OTOA: variants seen among roughly 807,000 people sequenced by gnomAD.
The protein encoded by OTOA is otoancorin, also known as cancer/testis antigen 108.
Under a neutral mutation model 110.8 loss-of-function variants are expected in OTOA, and 70 were observed. The ratio of observed to expected loss-of-function variants is 0.63; its 90% CI spans 0.52 to 0.77. The LOEUF (loss-of-function observed/expected upper bound fraction) is 0.77, where lower values mean the gene tolerates loss of function less well. OTOA is among the 30% of genes least tolerant of loss of function. The pLI is 0.00. For missense variants in OTOA, 917 were observed against 1,075.8 expected (o/e 0.85, Z 2.06); for synonymous variants, 373 against 431.5 (o/e 0.86, Z 1.68).
chr16:21,703,994 G>A (rs1327166660), intron 11 of OTOA, among the ~76,000 whole-genome samples: 2 of 152,172 alleles, frequency 1.3e-5, no homozygotes, highest in Non-Finnish European at 2.9e-5. Context: ...CAGTATGGGA[G>A]TACAGAGTGT....
intron 1 of OTOA, 57 bp from the exon 2 acceptor site, chr16:21,678,454 G>GTATATA: frequency 3.5e-6 from 3 of 869,140 alleles, no homozygotes; most frequent in Admixed American, 2.2e-5. Context: ...GTGTGTGTGT[G>GTATATA]TATATATATA....
Position 21,735,998 on chromosome 16 carries a change from C to T in OTOA, c.2302-263C>T, listed in dbSNP as rs462821. Among the ~76,000 whole-genome samples, 65 of 150,756 alleles carry T rather than the reference C, an allele frequency of 4.3e-4. No individual in the cohort carries two copies. In the East Asian group the frequency reaches 0.01, roughly 24 times the overall value. Reference sequence around the variant, plus strand: ...TGCCCAGCATTAAGTATTAGCACTTCATTTTATTTTTGACAATCTGATGGG... The same window carrying T: ...TGCCCAGCATTAAGTATTAGCACTTTATTTTATTTTTGACAATCTGATGGG... On this transcript the variant is annotated intron_variant, in intron 21 of 28. Coordinates refer to ENST00000646100, the MANE Select transcript of OTOA (RefSeq NM_144672.4).
chr16:21,727,470 A>G (rs1401070228), intron 19 of OTOA, among the ~76,000 whole-genome samples: 10 of 152,156 alleles, frequency 6.6e-5, no homozygotes. Flanking sequence ...TACTTCTTAC[A>G]GTTACTTTGA....
chr16:21,760,188 G>A (rs1246625420), intron 28 of OTOA, among the ~76,000 whole-genome samples: 2 of 151,822 alleles, frequency 1.3e-5, no homozygotes, highest in East Asian at 1.9e-4. Context: ...ACAAATTCCT[G>A]GGTCTCCTGG....
chr16:21,677,027 AT>A (rs1387793562), intron 1 of OTOA, among the ~76,000 whole-genome samples: 4 of 152,242 alleles, frequency 2.6e-5, no homozygotes, highest in African/African-American at 9.6e-5. Context: ...CATAGCTAGA[AT>A]AAAATTATGA....
chr16:21,718,001 G>A (rs1217403808), intron 15 of OTOA, among the ~76,000 whole-genome samples: 1 of 152,148 alleles, frequency 6.6e-6, no homozygotes, highest in Non-Finnish European at 1.5e-5. Context: ...CGGTCACCCA[G>A]GCTGGGGTGC....
intron 28 of OTOA, among the ~76,000 whole-genome samples, chr16:21,757,926 A>G (rs1900048178): frequency 6.6e-6 from 1 of 152,120 alleles, no homozygotes; most frequent in South Asian, 2.1e-4. Flanking sequence ...CCTGTCCAAT[A>G]TTAATTAATT....
chr16:21,691,225 T>A (rs1437704440), intron 8 of OTOA, among the ~76,000 whole-genome samples: 1 of 152,108 alleles, frequency 6.6e-6, no homozygotes, highest in Non-Finnish European at 1.5e-5. Context: ...TTGGAGGACA[T>A]TTGGGTTGGT....
rs1246698590 is a variant in OTOA, at chr16:21,684,612, C to G, written c.268-618C>G. 6 of 1,404,786 alleles carry G rather than the reference C, an allele frequency of 4.3e-6. No homozygotes were observed. The African/African-American group carries it at 7.1e-5, about 17-fold the overall frequency. 87.0% of individuals were successfully genotyped at this position (1,404,786 alleles called of 1,614,324 possible). A position where few individuals can be genotyped will look rare whatever the true frequency, so the allele number is the denominator to read the frequency against. On this transcript the variant is annotated intron_variant, in intron 6 of 28. Transcript: ENST00000646100. ...GCCTGAGAGTTACTTCAACAAGCAGCTGTCCCTTGGCTTGCCAATTATTGC... is the reference window on the plus strand; with the variant it reads ...GCCTGAGAGTTACTTCAACAAGCAGGTGTCCCTTGGCTTGCCAATTATTGC...
intron 1 of OTOA, 34 bp from the exon 2 acceptor site, chr16:21,678,477 A>G: frequency 7.0e-7 from 1 of 1,421,634 alleles, no homozygotes; most frequent in Non-Finnish European, 9.9e-7. Context: ...TATTAAAAAA[A>G]CATGAATCAC....
intron 9 of OTOA, among the ~76,000 whole-genome samples, chr16:21,693,239 G>C (rs1897869356): frequency 6.6e-6 from 1 of 152,174 alleles, no homozygotes; most frequent in South Asian, 2.1e-4. Context: ...ATTCCAGCCT[G>C]AGTGATGTAG....
chr16:21,696,872 T>A (rs1202981582), intron 9 of OTOA, among the ~76,000 whole-genome samples: 1 of 151,744 alleles, frequency 6.6e-6, no homozygotes, highest in African/African-American at 2.4e-5. Flanking sequence ...ATAACCTGCA[T>A]TTCTTATTTA....
Position 21,736,330 on chromosome 16 carries a change from G to A in OTOA, c.2371G>A (p.Ala791Thr), listed in dbSNP as rs766756328. The A allele has an allele frequency of 6.2e-7, 1 of 1,614,094 alleles. No homozygotes were observed. Among genetic ancestry groups the A allele is most frequent in the East Asian group, 2.2e-5 (1 of 44,874 alleles). Residue 791 changes from alanine (A) to threonine (T), a missense_variant, in exon 22 of 29, where the codon GCT (alanine) becomes ACT (threonine). Ala to Thr is a moderately conservative substitution (Grantham distance 58). Transcript: ENST00000646100. ...RTLPTKEFLWAVFQSVRNSSD... is the reference protein window; with the variant it reads ...RTLPTKEFLWTVFQSVRNSSD... The stretch of plus-strand genomic sequence containing the variant: ...CCTGCCCACTAAAGAATTCCTCTGG[G>A]CTGTCTTTCAGTCTGTTCGGAACAG...
intron 22 of OTOA, among the ~76,000 whole-genome samples, chr16:21,736,993 G>A (rs370479737): frequency 1.1e-4 from 17 of 152,410 alleles, no homozygotes; most frequent in South Asian, 4.1e-4. Context: ...TGACAGGGCC[G>A]GGCTGGCTAC....
intron 12 of OTOA, among the ~76,000 whole-genome samples, chr16:21,707,310 G>A (rs1224615467): frequency 1.3e-5 from 2 of 151,942 alleles, no homozygotes; most frequent in Non-Finnish European, 2.9e-5. Context: ...AATTAGATAC[G>A]AGGGAGCCCT....
At chr16:21,751,317 C>T (rs1248013920) in intron 24 of OTOA, among the ~76,000 whole-genome samples, 2 of 14,604 alleles carry the variant, frequency 1.4e-4, no homozygotes, top group Non-Finnish European at 2.1e-4. Flanking sequence ...CACTTGAGGT[C>T]AGGAGTTTGA....
chr16:21,714,217 C>A (rs1161285732), intron 13 of OTOA, among the ~76,000 whole-genome samples: 1 of 151,218 alleles, frequency 6.6e-6, no homozygotes, highest in Non-Finnish European at 1.5e-5. Flanking sequence ...CTCTTTCTTT[C>A]TCTCTCTCTC....
chr16:21,714,300 T>TCTTTCTTCCTTC (rs1555499732), intron 13 of OTOA, among the ~76,000 whole-genome samples: 2 of 100,344 alleles, frequency 2.0e-5, no homozygotes, highest in African/African-American at 7.3e-5. Flanking sequence ...TCTTTTCCTT[T>TCTTTCTTCCTTC]CTTCCTTCCT....
intron 28 of OTOA, among the ~76,000 whole-genome samples, chr16:21,757,540 C>T (rs1196768884): frequency 3.9e-5 from 6 of 152,300 alleles, no homozygotes; most frequent in African/African-American, 9.6e-5. Context: ...GAACGCATAA[C>T]ATCAGAAACT....
Sources: allele counts gnomAD v4.1 joint callset (sites outside exome capture counted in the v4.1 genomes callset), GRCh38; gene constraint gnomAD v4.1.1; transcripts MANE v1.5; gene names NCBI Gene and HGNC (gene_info 2026-07-23, HGNC 2026-07-21).